PPIL2: variants seen among roughly 807,000 people sequenced by gnomAD.
PPIL2 encodes the protein RING-type E3 ubiquitin-protein ligase PPIL2.
A neutral mutation model predicts 75.2 loss-of-function variants in PPIL2; 50 were observed. That is an observed-to-expected ratio of 0.66 (90% CI 0.53 to 0.84). The LOEUF is 0.84. Among genes scored for constraint, PPIL2 ranks in the 40% least tolerant of loss-of-function variants. The pLI is 0.00. For synonymous variants in PPIL2, 245 were observed against 258.8 expected (o/e 0.95, Z 0.51); for missense variants, 590 against 685.0 (o/e 0.86, Z 1.55).
At chr22:21,667,580 G>C (rs957549674) in intron 1 of PPIL2, among the ~76,000 whole-genome samples, 4 of 151,886 alleles carry the variant, frequency 2.6e-5, no homozygotes, top group African/African-American at 9.7e-5. Context: ...CGACTTCAGC[G>C]GTCTTTCTTT....
Position 21,666,098 on chromosome 22 carries a change from C to T in PPIL2, c.-2C>T. 1.9e-6 allele frequency: 3 copies of T among 1,613,626 alleles called. No individual in the cohort carries two copies. The highest frequency in any genetic ancestry group is 2.5e-6 in the Non-Finnish European group (3 of 1,179,780). On this transcript the variant is annotated 5_prime_UTR_variant, in exon 1 of 20. Transcript: ENST00000398831. ...CTCGCTAGTCGCCGCCGCCGCTCCG[C>T]CATGGGGAAGCGACAGCACCAAAAG...
intron 1 of PPIL2, among the ~76,000 whole-genome samples, chr22:21,667,571 G>T (rs367640169): frequency 1.3e-5 from 2 of 151,860 alleles, no homozygotes; most frequent in Non-Finnish European, 1.5e-5. Flanking sequence ...GTTTTCCATC[G>T]ACTTCAGCGG....
chr22:21,674,570 G>A lies in PPIL2; in HGVS notation c.244-494G>A, dbSNP rs186569857. ...CAGGAGATTAGCCTGGTGTGGTGGC[G>A]TGTGTCTGTAGTCCTAGCTACTCGG... On this transcript the variant is annotated intron_variant, in intron 5 of 19. Coordinates refer to ENST00000398831, the MANE Select transcript of PPIL2 (RefSeq NM_014337.4). Among the ~76,000 whole-genome samples, 83 of 152,008 alleles carry A rather than the reference G, an allele frequency of 5.5e-4. 1 individual carries two copies. In the Middle Eastern group the frequency reaches 0.01, roughly 19 times the overall value.
intron 15 of PPIL2, among the ~76,000 whole-genome samples, chr22:21,692,280 C>T (rs747853674): frequency 7.9e-5 from 12 of 152,142 alleles, no homozygotes; most frequent in East Asian, 2.0e-4. Context: ...CTCAGCCTCC[C>T]TAGTAGCTGG....
In PPIL2 at chr22:21,680,446, G is replaced by A. The variant is rs184274377; in HGVS notation, c.296-853G>A. On this transcript the variant is annotated intron_variant, in intron 6 of 19. Transcript: ENST00000398831. ...CTCCGGAGGCGGAGGCAGCAGAATC[G>A]CTGGAACCCAGGAGATGGAGGTTGC... 4.3e-3 allele frequency among the ~76,000 whole-genome samples: 657 copies of A among 152,264 alleles called. 5 individuals are homozygous for A. Among genetic ancestry groups the A allele is most frequent in the African/African-American group, 0.015 (620 of 41,558 alleles).
intron 2 of PPIL2, 83 bp from the exon 3 acceptor site, chr22:21,670,483 C>T: frequency 5.3e-6 from 8 of 1,500,230 alleles, no homozygotes; most frequent in Non-Finnish European, 7.4e-6. Context: ...TTTTCATAAG[C>T]TGTAACTGAA....
chr22:21,686,436 C>T (rs771354394), intron 10 of PPIL2, 47 bp from the exon 11 acceptor site: 3 of 1,570,386 alleles, frequency 1.9e-6, no homozygotes, highest in Non-Finnish European at 1.8e-6. Flanking sequence ...CCCCACCCAA[C>T]TGCCTCCCAT....
At chr22:21,690,514 T>A (rs963970313) in intron 15 of PPIL2, among the ~76,000 whole-genome samples, 1 of 152,200 alleles carries the variant, frequency 6.6e-6, no homozygotes, top group Admixed American at 6.5e-5. Context: ...AAGGCTGGTA[T>A]TCTCTTGGCC....
At chr22:21,677,644 G>A (rs958644944) in intron 6 of PPIL2, among the ~76,000 whole-genome samples, 4 of 152,244 alleles carry the variant, frequency 2.6e-5, no homozygotes, top group Non-Finnish European at 4.4e-5. Flanking sequence ...CGAGATGGCA[G>A]CAGTACAGTC....
chr22:21,675,439 G>A, intron 6 of PPIL2, among the ~76,000 whole-genome samples: 1 of 152,208 alleles, frequency 6.6e-6, no homozygotes, highest in Non-Finnish European at 1.5e-5. Flanking sequence ...GGGAGGCTGA[G>A]GCAGGAGAAT....
At chr22:21,698,018 A>G (rs1240875139), downstream of PPIL2, 1 of 152,312 alleles carries the variant, frequency 6.6e-6, no homozygotes, top group Non-Finnish European at 1.5e-5. Context: ...CAGCAAATGC[A>G]CTGTGCCATT....
chr22:21,685,614 C>CTTTTTTTTTT, intron 10 of PPIL2: 1 of 417,514 alleles, frequency 2.4e-6, no homozygotes, highest in African/African-American at 2.1e-5. Context: ...TGATATATTA[C>CTTTTTTTTTT]TTTTTTTTTT....
chr22:21,670,681 C>T, intron 3 of PPIL2, 70 bp downstream of exon 3: 2 of 1,482,896 alleles, frequency 1.3e-6, no homozygotes, highest in East Asian at 2.3e-5. Context: ...GAATCTGCCC[C>T]TTGTGGATGT....
chr22:21,667,051 G>C (rs2066415328), intron 1 of PPIL2, among the ~76,000 whole-genome samples: 1 of 151,270 alleles, frequency 6.6e-6, no homozygotes, highest in Admixed American at 6.6e-5. Flanking sequence ...TGGTATCTGG[G>C]ATTTCACCTG....
chr22:21,668,794 C>T (rs1436162600), intron 1 of PPIL2, among the ~76,000 whole-genome samples: 2 of 148,252 alleles, frequency 1.3e-5, no homozygotes, highest in Non-Finnish European at 3.0e-5. Context: ...TCACTGCAAG[C>T]TCCGCCTCCC....
chr22:21,666,209 C>T (rs1330308000), intron 1 of PPIL2, 78 bp downstream of exon 1: 47 of 1,489,834 alleles, frequency 3.2e-5, no homozygotes, highest in Non-Finnish European at 4.0e-5. Flanking sequence ...CGCCGCTCGC[C>T]TTCCCTCTCA....
intron 1 of PPIL2, among the ~76,000 whole-genome samples, chr22:21,669,052 T>G (rs1442689924): frequency 6.6e-6 from 1 of 150,558 alleles, no homozygotes; most frequent in South Asian, 2.1e-4. Flanking sequence ...GGTTTCACCG[T>G]GTTAGCCAGA....
At chr22:21,680,846 A>AAC in intron 6 of PPIL2, among the ~76,000 whole-genome samples, 1 of 148,114 alleles carries the variant, frequency 6.8e-6, no homozygotes, top group Non-Finnish European at 1.5e-5. Flanking sequence ...AAAAAAAAAA[A>AAC]AAAAAAACAG....
chr22:21,683,088 C>A (rs995310790), intron 8 of PPIL2, 94 bp from the exon 9 acceptor site: 1 of 1,100,994 alleles, frequency 9.1e-7, no homozygotes, highest in African/African-American at 1.5e-5. Flanking sequence ...TGGCCTCTTC[C>A]ACACCTCTGA....
Sources: gnomAD v4.1 joint callset for allele counts (sites outside exome capture counted in the v4.1 genomes callset) on GRCh38, gnomAD v4.1.1 for gene constraint, MANE v1.5 for transcripts, NCBI Gene and HGNC (gene_info 2026-07-23, HGNC 2026-07-21) for gene names.